Variants in TMEM123 observed in about 807,000 individuals in gnomAD.
The protein encoded by TMEM123 is transmembrane protein 123.
In TMEM123, 16 loss-of-function variants were observed where a neutral mutation model predicts 19.7. That is an observed-to-expected ratio of 0.81 (90% confidence interval 0.55 to 1.23). TMEM123 has a LOEUF of 1.23. Among genes scored for constraint, TMEM123 ranks in the 50% most tolerant of loss-of-function variants. The probability of loss-of-function intolerance (pLI) is 0.00; values close to 1 mark genes in which losing one functional copy is unlikely to be tolerated. For synonymous variants in TMEM123, 118 were observed against 99.4 expected, an observed-to-expected ratio of 1.19 and a Z score of -1.12; for missense variants, 313 against 257.8, an observed-to-expected ratio of 1.21 and a Z score of -1.47.
intron 1 of TMEM123, 29 bp downstream of exon 1, chr11:102,452,495 C>G: frequency 6.9e-7 from 1 of 1,456,668 alleles, no homozygotes; most frequent in Non-Finnish European, 9.1e-7. Context: ...CTCCCACGAA[C>G]GGGGCTGACG....
At chr11:102,427,915 T>C (rs1411631441) in intron 2 of TMEM123, among the ~76,000 whole-genome samples, 1 of 151,934 alleles carries the variant, frequency 6.6e-6, no homozygotes, top group East Asian at 1.9e-4. Flanking sequence ...AGACAAAGAA[T>C]ATTTACTCTG....
At position 102,398,827 on chromosome 11, in the gene TMEM123, C is replaced by T; in HGVS notation, c.*40G>A. 6.2e-7 allele frequency: 1 copy of T among 1,601,126 alleles called. No homozygotes were observed. The highest frequency in any genetic ancestry group is 1.7e-5 in the Admixed American group (1 of 57,428). The stretch of plus-strand genomic sequence containing the variant: ...AATAAACCAAAATTAATTGATAGGG[C>T]AGCATCAATCTGTATTCCATCCTTG... On this transcript the variant is annotated 3_prime_UTR_variant, in exon 5 of 5. Coordinates refer to ENST00000398136, the MANE Select transcript of TMEM123 (RefSeq NM_052932.3).
At chr11:102,417,413 C>T (rs1952051158) in intron 2 of TMEM123, among the ~76,000 whole-genome samples, 2 of 152,066 alleles carry the variant, frequency 1.3e-5, no homozygotes, top group African/African-American at 2.4e-5. Flanking sequence ...TCCCTTCCCC[C>T]ACCACAAACA....
In TMEM123 at chr11:102,397,812, C is replaced by T. The variant is rs1309473404; in HGVS notation, c.*1055G>A. The T allele has an allele frequency of 2.0e-5, 3 of 152,126 alleles. No homozygotes were observed. Among genetic ancestry groups the T allele is most frequent in the East Asian group, 1.9e-4 (1 of 5,198 alleles). The allele number at this position is 152,126 out of a possible 1,614,324, so 9.4% of individuals were successfully genotyped here. On this transcript the variant is annotated 3_prime_UTR_variant, in exon 5 of 5. Coordinates refer to ENST00000398136, the MANE Select transcript of TMEM123 (RefSeq NM_052932.3). ...AGGTTTAGTTGCCTGGGGGAAGTCC[C>T]ACAATCCCTGGCTTAATAAACACAG...
chr11:102,397,305 ACTC>A lies in TMEM123; in HGVS notation c.*1559_*1561del, dbSNP rs1459866126. The A allele has an allele frequency of 1.3e-5, 2 of 152,130 alleles. No individual in the cohort carries two copies. The highest frequency in any genetic ancestry group is 2.9e-5 in the Non-Finnish European group (2 of 68,010). 9.4% of individuals were successfully genotyped at this position (152,130 alleles called of 1,614,324 possible). A position where few individuals can be genotyped will look rare whatever the true frequency, so the allele number is the denominator to read the frequency against. ...CAAAAGCTGACAACAGTTTTATTGT[ACTC>A]CTATTAAATGTAGGTGCATGTTCAT... On this transcript the variant is annotated 3_prime_UTR_variant, in exon 5 of 5. Transcript: ENST00000398136.
chr11:102,414,255 A>G (rs558905538), intron 2 of TMEM123, among the ~76,000 whole-genome samples: 3 of 152,340 alleles, frequency 2.0e-5, no homozygotes, highest in East Asian at 3.9e-4. Flanking sequence ...GGGAGAGAAA[A>G]CAAGCAATCT....
intron 2 of TMEM123, among the ~76,000 whole-genome samples, chr11:102,443,154 T>A (rs1857845111): frequency 6.6e-6 from 1 of 152,148 alleles, no homozygotes; most frequent in Admixed American, 6.6e-5. Context: ...GCCATCCCCA[T>A]CAAGCTACCA....
chr11:102,414,933 T>TAAG (rs1332310884), intron 2 of TMEM123, among the ~76,000 whole-genome samples: 4 of 152,192 alleles, frequency 2.6e-5, no homozygotes, highest in African/African-American at 9.7e-5. Flanking sequence ...AACCTAATCG[T>TAAG]AAGCTAGCTT....
intron 2 of TMEM123, among the ~76,000 whole-genome samples, chr11:102,439,177 T>A (rs113500535): frequency 0.023 from 3,553 of 152,184 alleles, 159 homozygotes; most frequent in African/African-American, 0.081. Flanking sequence ...CATACATAGC[T>A]GAACAAAGGG....
chr11:102,444,683 TATA>T (rs1218075407), intron 2 of TMEM123, among the ~76,000 whole-genome samples: 3 of 151,690 alleles, frequency 2.0e-5, no homozygotes, highest in African/African-American at 4.8e-5. Flanking sequence ...GAACTTAAAG[TATA>T]ATAATAATAA....
intron 2 of TMEM123, among the ~76,000 whole-genome samples, chr11:102,408,500 T>TACTTA (rs1951975003): frequency 6.6e-6 from 1 of 152,232 alleles, no homozygotes. Flanking sequence ...TTAGGCAAGT[T>TACTTA]ACTTAATCTC....
At chr11:102,435,711 G>A (rs928759587) in intron 2 of TMEM123, among the ~76,000 whole-genome samples, 1 of 151,924 alleles carries the variant, frequency 6.6e-6, no homozygotes, top group Non-Finnish European at 1.5e-5. Context: ...TAAACCATAT[G>A]TGACATACCC....
At chr11:102,406,377 G>A (rs1951955325) in intron 2 of TMEM123, among the ~76,000 whole-genome samples, 1 of 152,080 alleles carries the variant, frequency 6.6e-6, no homozygotes, top group Non-Finnish European at 1.5e-5. Context: ...GCATCTACTG[G>A]ACTTGGATGG....
At chr11:102,438,243 G>T (rs959274514) in intron 2 of TMEM123, among the ~76,000 whole-genome samples, 4 of 152,052 alleles carry the variant, frequency 2.6e-5, no homozygotes, top group African/African-American at 7.2e-5. Context: ...AGTAGAGAGG[G>T]GGTTTCACCA....
chr11:102,402,785 T>C (rs1289391719), intron 2 of TMEM123, among the ~76,000 whole-genome samples: 1 of 152,246 alleles, frequency 6.6e-6, no homozygotes, highest in African/African-American at 2.4e-5. Flanking sequence ...TGTGGCTAGC[T>C]GTCATACTGG....
intron 2 of TMEM123, among the ~76,000 whole-genome samples, chr11:102,412,954 ATAAG>A (rs1952016804): frequency 6.6e-6 from 1 of 152,220 alleles, no homozygotes; most frequent in African/African-American, 2.4e-5. Context: ...GGATGAGAAA[ATAAG>A]TAACATATTT....
chr11:102,448,987 C>T (rs1857911747), intron 1 of TMEM123, 119 bp from the exon 2 acceptor site: 1 of 977,656 alleles, frequency 1.0e-6, no homozygotes, highest in South Asian at 1.3e-5. Context: ...GATTATTCCA[C>T]AGGAAGTTCT....
At chr11:102,410,482 A>C (rs1160097948) in intron 2 of TMEM123, among the ~76,000 whole-genome samples, 1 of 148,818 alleles carries the variant, frequency 6.7e-6, no homozygotes. Flanking sequence ...GTTTCCACAG[A>C]CTCAATCCAC....
chr11:102,436,495 A>G lies in TMEM123; in HGVS notation c.157+12317T>C, dbSNP rs780165435. 1.1e-3 allele frequency among the ~76,000 whole-genome samples: 162 copies of G among 152,104 alleles called. 3 individuals carry two copies. Among genetic ancestry groups the G allele is most frequent in the Non-Finnish European group, 1.4e-3 (95 of 67,922 alleles). ...AACTCCTTATAAATAAATGTAATTC[A>G]AAGCCAAGAAGACTGGTGCATGAAT... On this transcript the variant is annotated intron_variant, in intron 2 of 4. Transcript: ENST00000398136.
Sources: allele counts gnomAD v4.1 joint callset (sites outside exome capture counted in the v4.1 genomes callset), GRCh38; gene constraint gnomAD v4.1.1; transcripts MANE v1.5; gene names NCBI Gene and HGNC (gene_info 2026-07-23, HGNC 2026-07-21).